Variants in COL8A1 observed in about 807,000 individuals in gnomAD.
The protein encoded by COL8A1 is collagen alpha-1(VIII) chain.
Under a neutral mutation model 42.7 loss-of-function variants are expected in COL8A1, and 21 were observed. That is an observed-to-expected ratio of 0.49 (90% confidence interval 0.35 to 0.71). The LOEUF (loss-of-function observed/expected upper bound fraction) is 0.71, where lower values mean the gene tolerates loss of function less well. Among genes scored for constraint, COL8A1 ranks in the 30% least tolerant of loss-of-function variants. The pLI, the probability that COL8A1 is intolerant of heterozygous loss-of-function variation, is 0.01. For synonymous variants in COL8A1, 367 were observed against 369.1 expected, an observed-to-expected ratio of 0.99 and a Z score of 0.06; for missense variants, 788 against 962.4, an observed-to-expected ratio of 0.82 and a Z score of 2.40.
intron 2 of COL8A1, among the ~76,000 whole-genome samples, chr3:99,758,021 C>T (rs982880492): frequency 1.3e-5 from 2 of 152,054 alleles, no homozygotes; most frequent in Admixed American, 1.3e-4. Context: ...ATGGTTTTTG[C>T]CACTACTTTC....
intron 2 of COL8A1, among the ~76,000 whole-genome samples, chr3:99,775,378 T>C (rs1175808999): frequency 2.0e-5 from 3 of 152,146 alleles, no homozygotes; most frequent in South Asian, 4.1e-4. Flanking sequence ...CACGAGACCC[T>C]CTTTTGGCAA....
At chr3:99,755,878 A>G (rs1450166303) in intron 2 of COL8A1, among the ~76,000 whole-genome samples, 4 of 152,132 alleles carry the variant, frequency 2.6e-5, no homozygotes, top group Admixed American at 2.0e-4. Flanking sequence ...GGGAGTTCAG[A>G]GTTTACATGA....
intron 1 of COL8A1, among the ~76,000 whole-genome samples, chr3:99,699,671 AAT>A (rs1939478494): frequency 6.6e-6 from 1 of 152,198 alleles, no homozygotes; most frequent in Admixed American, 6.5e-5. Context: ...TCTAACCAAA[AAT>A]ATAGTTAATT....
intron 1 of COL8A1, among the ~76,000 whole-genome samples, chr3:99,736,958 G>A (rs1940739697): frequency 6.6e-6 from 1 of 152,290 alleles, no homozygotes; most frequent in South Asian, 2.1e-4. Flanking sequence ...AGCTCTTCTT[G>A]TTGAATTGAT....
At chr3:99,754,581 A>G (rs1312938829) in intron 2 of COL8A1, among the ~76,000 whole-genome samples, 1 of 152,052 alleles carries the variant, frequency 6.6e-6, no homozygotes, top group Non-Finnish European at 1.5e-5. Flanking sequence ...AAAGATACAC[A>G]TTTCCTTTAT....
At chr3:99,651,949 A>G (rs1325637461) in intron 1 of COL8A1, among the ~76,000 whole-genome samples, 3 of 152,276 alleles carry the variant, frequency 2.0e-5, no homozygotes, top group Non-Finnish European at 4.4e-5. Flanking sequence ...GACAACATCA[A>G]GAAATAATTA....
chr3:99,740,877 AATTT>A (rs1384845600), intron 1 of COL8A1, among the ~76,000 whole-genome samples: 13 of 152,232 alleles, frequency 8.5e-5, no homozygotes, highest in African/African-American at 1.2e-4. Context: ...TAAAATACAT[AATTT>A]ATTTAACTGT....
At chr3:99,786,677 C>T (rs1941902698) in intron 2 of COL8A1, among the ~76,000 whole-genome samples, 1 of 152,180 alleles carries the variant, frequency 6.6e-6, no homozygotes, top group Admixed American at 6.5e-5. Context: ...TGTCTCTCCA[C>T]ACTAGACTGT....
At chr3:99,730,512 A>AT (rs1940472828) in intron 1 of COL8A1, among the ~76,000 whole-genome samples, 1 of 152,140 alleles carries the variant, frequency 6.6e-6, no homozygotes, top group Non-Finnish European at 1.5e-5. Flanking sequence ...AATGATAGAG[A>AT]AACAGCTTGA....
At chr3:99,728,702 T>C (rs1206859486) in intron 1 of COL8A1, among the ~76,000 whole-genome samples, 7 of 151,914 alleles carry the variant, frequency 4.6e-5, no homozygotes, top group African/African-American at 1.5e-4. Context: ...ATTATTCAAT[T>C]AATTAATTGT....
chr3:99,783,068 G>C (rs1316714656), intron 2 of COL8A1, among the ~76,000 whole-genome samples: 1 of 152,160 alleles, frequency 6.6e-6, no homozygotes, highest in Admixed American at 6.5e-5. Flanking sequence ...ATATTCTCCA[G>C]ATGTTTCCCA....
chr3:99,780,315 A>G (rs932711578), intron 2 of COL8A1, among the ~76,000 whole-genome samples: 3 of 152,216 alleles, frequency 2.0e-5, no homozygotes, highest in African/African-American at 7.2e-5. Flanking sequence ...TGGAATCAGG[A>G]TTTAATTCAG....
intron 1 of COL8A1, among the ~76,000 whole-genome samples, chr3:99,729,941 C>A (rs1940451537): frequency 6.6e-6 from 1 of 152,000 alleles, no homozygotes; most frequent in East Asian, 1.9e-4. Context: ...AACCTTGTGC[C>A]CAATTTAATA....
At chr3:99,729,241 C>A (rs539370604) in intron 1 of COL8A1, among the ~76,000 whole-genome samples, 1 of 152,048 alleles carries the variant, frequency 6.6e-6, no homozygotes. Context: ...TTCTCCAGCT[C>A]TCTAAGCTGA....
At chr3:99,739,385 T>C (rs1019571431) in intron 1 of COL8A1, among the ~76,000 whole-genome samples, 5 of 152,200 alleles carry the variant, frequency 3.3e-5, no homozygotes, top group Non-Finnish European at 7.4e-5. Flanking sequence ...GGCAGTGCCC[T>C]AGTGGGGACT....
rs544849359 is a variant in COL8A1 at position 99,640,786 on chromosome 3, G to C, written c.-129+2122G>C. ...TTAAGCTTTTAGAAAAATCAGTGTC[G>C]AAGTTTCATGTAGTCGCCCCCAAAT... On this transcript the variant is annotated intron_variant, in intron 1 of 3. Coordinates refer to ENST00000652472, the MANE Select transcript of COL8A1 (RefSeq NM_020351.4). 3.9e-5 allele frequency among the ~76,000 whole-genome samples: 6 copies of C among 152,228 alleles called. No individual in the cohort carries two copies. The South Asian group carries it at 1.2e-3, about 32-fold the overall frequency.
chr3:99,689,101 A>G (rs2107332127), intron 1 of COL8A1, among the ~76,000 whole-genome samples: 1 of 152,302 alleles, frequency 6.6e-6, no homozygotes, highest in South Asian at 2.1e-4. Context: ...AAAGCAAAAG[A>G]TCCAGCGATA....
chr3:99,683,070 C>G (rs570354117), intron 1 of COL8A1, among the ~76,000 whole-genome samples: 6 of 152,244 alleles, frequency 3.9e-5, no homozygotes, highest in Admixed American at 1.3e-4. Context: ...TTTGTATGTT[C>G]AGAATTAAAT....
chr3:99,738,921 T>C (rs1037856778), intron 1 of COL8A1, among the ~76,000 whole-genome samples: 21 of 152,162 alleles, frequency 1.4e-4, no homozygotes, highest in African/African-American at 5.1e-4. Flanking sequence ...GGATATAATC[T>C]CTTGGTGCGC....
Sources: allele counts gnomAD v4.1 joint callset (sites outside exome capture counted in the v4.1 genomes callset), GRCh38; gene constraint gnomAD v4.1.1; transcripts MANE v1.5; gene names NCBI Gene and HGNC (gene_info 2026-07-23, HGNC 2026-07-21).